SLC25A26: variants seen among roughly 807,000 people sequenced by gnomAD.
The protein encoded by SLC25A26 is solute carrier family 25 member 26.
A neutral mutation model predicts 37.8 loss-of-function variants in SLC25A26; 36 were observed. The ratio of observed to expected loss-of-function variants is 0.95; its 90% CI spans 0.73 to 1.26. The LOEUF is 1.26. Among genes scored for constraint, SLC25A26 ranks in the 50% most tolerant of loss-of-function variants. The probability of loss-of-function intolerance (pLI) is 0.00; values close to 1 mark genes in which losing one functional copy is unlikely to be tolerated. For synonymous variants in SLC25A26, 129 were observed against 122.5 expected (o/e 1.05, Z -0.35); for missense variants, 390 against 331.1 (o/e 1.18, Z -1.38).
chr3:66,344,371 G>C (rs1461530735), intron 5 of SLC25A26, among the ~76,000 whole-genome samples: 1 of 152,040 alleles, frequency 6.6e-6, no homozygotes, highest in African/African-American at 2.4e-5. Flanking sequence ...GCTGAGACAG[G>C]AGAATTGCTT....
intron 5 of SLC25A26, among the ~76,000 whole-genome samples, chr3:66,303,420 T>A (rs1576833472): frequency 1.3e-5 from 2 of 152,282 alleles, no homozygotes; most frequent in African/African-American, 4.8e-5. Flanking sequence ...GGAGGCTAGC[T>A]CCCTCTCTTA....
At chr3:66,217,853 T>C (rs2071384546), upstream of SLC25A26, among the ~76,000 whole-genome samples, 1 of 152,216 alleles carries the variant, frequency 6.6e-6, no homozygotes, top group Non-Finnish European at 1.5e-5. Context: ...CCCAGCCTTA[T>C]AGTTTATATA....
At position 66,183,318 on chromosome 3, in the gene SLC25A26, C is replaced by G. The variant is rs899756361; in HGVS notation, c.-353-37424C>G. Among the ~76,000 whole-genome samples the G allele has an allele frequency of 3.3e-5, 5 of 152,162 alleles. No homozygotes were observed. In the Middle Eastern group the frequency reaches 0.01, roughly 311 times the overall value. On this transcript the variant is annotated intron_variant, in intron 1 of 10. Coordinates refer to the SLC25A26 transcript ENST00000676754. ...CACACTACCATGACTCTCAGCTATGCTCACCCAGACTCTGACCCTGACATG... is the reference window on the plus strand; with the variant it reads ...CACACTACCATGACTCTCAGCTATGGTCACCCAGACTCTGACCCTGACATG...
intron 1 of SLC25A26, among the ~76,000 whole-genome samples, chr3:66,185,114 C>T (rs2070800408): frequency 6.6e-6 from 1 of 152,298 alleles, no homozygotes; most frequent in Admixed American, 6.5e-5. Flanking sequence ...TAACAACTCC[C>T]TCTTTTTTCC....
At chr3:66,201,754 G>C (rs1381267108) in intron 1 of SLC25A26, among the ~76,000 whole-genome samples, 1 of 152,138 alleles carries the variant, frequency 6.6e-6, no homozygotes, top group Admixed American at 6.6e-5. Context: ...ATGTTGCTGA[G>C]ACATTTCTGA....
intron 6 of SLC25A26, among the ~76,000 whole-genome samples, chr3:66,353,036 C>G (rs2076495720): frequency 6.6e-6 from 1 of 152,206 alleles, no homozygotes; most frequent in Non-Finnish European, 1.5e-5. Flanking sequence ...GTGCCAGGCT[C>G]TGGGTTAAGC....
intron 3 of SLC25A26, among the ~76,000 whole-genome samples, chr3:66,244,330 A>T (rs1480418472): frequency 6.6e-6 from 1 of 152,222 alleles, no homozygotes; most frequent in Non-Finnish European, 1.5e-5. Context: ...AAACATATAA[A>T]GCAAAAACTG....
At chr3:66,285,203 A>C (rs938294501) in intron 5 of SLC25A26, among the ~76,000 whole-genome samples, 1 of 152,100 alleles carries the variant, frequency 6.6e-6, no homozygotes, top group Non-Finnish European at 1.5e-5. Context: ...AGGTAAAAAC[A>C]GTGTAATGAG....
At chr3:66,323,671 G>A (rs926772168) in intron 5 of SLC25A26, among the ~76,000 whole-genome samples, 15 of 152,040 alleles carry the variant, frequency 9.9e-5, no homozygotes, top group East Asian at 1.9e-4. Context: ...AAAATTAGCC[G>A]GGCCTAGTGG....
Position 66,233,423 on chromosome 3 carries a change from C to T in SLC25A26, c.34-3121C>T, listed in dbSNP as rs548752697. Among the ~76,000 whole-genome samples the T allele has an allele frequency of 4.5e-4, 68 of 151,992 alleles. No homozygotes were observed. The South Asian group carries it at 5.2e-3, about 12-fold the overall frequency. On this transcript the variant is annotated intron_variant, in intron 1 of 9. Transcript: ENST00000354883. Reference sequence around the variant, plus strand: ...GGATTTTTTTCTAGTTAGAACTTTTCGGTATAAGCTACCATAAATTATGAA... The same window carrying T: ...GGATTTTTTTCTAGTTAGAACTTTTTGGTATAAGCTACCATAAATTATGAA...
chr3:66,364,522 C>G (rs2076783593), intron 7 of SLC25A26, among the ~76,000 whole-genome samples: 1 of 152,112 alleles, frequency 6.6e-6, no homozygotes, highest in Non-Finnish European at 1.5e-5. Flanking sequence ...TCTTTTTGCT[C>G]CCCAACTCAG....
chr3:66,352,421 G>GT lies in SLC25A26; in HGVS notation c.498+6019dup, dbSNP rs1379958045. Among the ~76,000 whole-genome samples, 147 of 126,530 alleles carry GT rather than the reference G, an allele frequency of 1.2e-3. 5 individuals are homozygous for GT. The highest frequency in any genetic ancestry group is 5.2e-3 in the African/African-American group (140 of 26,942). 83.0% of individuals were successfully genotyped at this position (126,530 alleles called of 152,430 possible). ...GTGCTGCTGCCTAGCGCCTCCCCTC[G>GT]TTTTTTGTTTTTTGTTTTTTGTTTT... is the stretch of plus-strand genomic sequence containing the variant. On this transcript the variant is annotated intron_variant, in intron 6 of 9. Transcript: ENST00000354883.
intron 2 of SLC25A26, among the ~76,000 whole-genome samples, chr3:66,238,725 C>A (rs1287317583): frequency 6.6e-6 from 1 of 151,938 alleles, no homozygotes; most frequent in Non-Finnish European, 1.5e-5. Context: ...CTAAGAAAAT[C>A]ATAAGGAAGA....
chr3:66,369,640 TAC>T, intron 8 of SLC25A26, 98 bp downstream of exon 8: 1 of 1,026,290 alleles, frequency 9.7e-7, no homozygotes, highest in Non-Finnish European at 1.5e-6. Context: ...GGCTACCATT[TAC>T]CTGTAATAGC....
intron 3 of SLC25A26, among the ~76,000 whole-genome samples, chr3:66,252,329 A>G (rs945070586): frequency 3.3e-5 from 5 of 152,336 alleles, no homozygotes; most frequent in East Asian, 3.9e-4. Context: ...GAGACACCGA[A>G]TAAGAAATTT....
Position 66,250,396 on chromosome 3 carries a change from G to A in SLC25A26, c.300+7084G>A, listed in dbSNP as rs566767011. ...TAAGAAAAGGAACTATAGACGGTCC[G>A]TGACTTACGATGGTTCTACTTAAAT... On this transcript the variant is annotated intron_variant, in intron 3 of 9. Coordinates refer to ENST00000354883, the MANE Select transcript of SLC25A26 (RefSeq NM_001379210.1). Among the ~76,000 whole-genome samples, 156 of 152,358 alleles carry A rather than the reference G, an allele frequency of 1.0e-3. No individual in the cohort carries two copies. The South Asian group carries it at 0.012, about 12-fold the overall frequency.
intron 3 of SLC25A26, among the ~76,000 whole-genome samples, chr3:66,257,036 G>A (rs332349): frequency 0.41 from 63,085 of 152,014 alleles, 15,077 homozygotes; most frequent in Middle Eastern, 0.58. Context: ...AGTAAGTTTG[G>A]TGCATACCAT....
At chr3:66,210,359 C>T (rs1393135642) in intron 1 of SLC25A26, among the ~76,000 whole-genome samples, 3 of 152,008 alleles carry the variant, frequency 2.0e-5, no homozygotes, top group African/African-American at 7.3e-5. Context: ...AAGGAAAAGA[C>T]AATCTCCCTT....
chr3:66,138,665 T>C (rs1049753642), intron 1 of SLC25A26, among the ~76,000 whole-genome samples: 11 of 151,300 alleles, frequency 7.3e-5, no homozygotes, highest in African/African-American at 2.2e-4. Context: ...TAGGGATGTA[T>C]TGGGGTAGGG....
Sources: allele counts gnomAD v4.1 joint callset (sites outside exome capture counted in the v4.1 genomes callset), GRCh38; gene constraint gnomAD v4.1.1; transcripts MANE v1.5; gene names NCBI Gene and HGNC (gene_info 2026-07-23, HGNC 2026-07-21).